COL4A6: variants seen among roughly 807,000 people sequenced by gnomAD.
The protein encoded by COL4A6 is collagen alpha-6(IV) chain.
Under a neutral mutation model 126.7 loss-of-function variants are expected in COL4A6, and 59 were observed. That is an observed-to-expected ratio of 0.47 (90% CI 0.38 to 0.58). COL4A6 has a LOEUF of 0.58. Ranked by LOEUF, COL4A6 falls within the 20% of genes least tolerant of loss-of-function variation. The probability of loss-of-function intolerance (pLI) is 0.00; values close to 1 mark genes in which losing one functional copy is unlikely to be tolerated. For synonymous variants in COL4A6, 547 were observed against 496.6 expected (o/e 1.10, Z -1.35); for missense variants, 1,285 against 1,337.3 (o/e 0.96, Z 0.61).
At chrX:108,325,172 A>G (rs1440950374) in intron 2 of COL4A6, among the ~76,000 whole-genome samples, 1 of 112,246 alleles carries the variant, frequency 8.9e-6, no homozygotes, top group Non-Finnish European at 1.9e-5. Flanking sequence ...ACTGCATGTC[A>G]TAAGCAAAGT....
intron 3 of COL4A6, among the ~76,000 whole-genome samples, chrX:108,255,371 C>T (rs2036974615): frequency 9.1e-6 from 1 of 109,524 alleles, no homozygotes. Flanking sequence ...AACTTTAAAA[C>T]GTAAAGCAGC....
chrX:108,394,571 T>C (rs2040921667), intron 2 of COL4A6, among the ~76,000 whole-genome samples: 1 of 111,991 alleles, frequency 8.9e-6, no homozygotes, highest in South Asian at 3.8e-4. Context: ...ATTTTTAGCC[T>C]GTTCATCTTT....
chrX:108,369,620 C>T (rs1295654740), intron 2 of COL4A6, among the ~76,000 whole-genome samples: 2 of 111,793 alleles, frequency 1.8e-5, no homozygotes, highest in African/African-American at 3.3e-5. Flanking sequence ...CAGGTGGGAC[C>T]TCTGGAGTAT....
At chrX:108,193,323 G>C (rs973635134) in intron 17 of COL4A6, among the ~76,000 whole-genome samples, 17 of 111,625 alleles carry the variant, frequency 1.5e-4, no homozygotes, top group African/African-American at 4.2e-4. Context: ...GCCCAGCTTG[G>C]GGGTGGTTAT....
chrX:108,263,329 G>A (rs1257090219), intron 3 of COL4A6, among the ~76,000 whole-genome samples: 2 of 111,451 alleles, frequency 1.8e-5, no homozygotes. Flanking sequence ...CTTAGGCATT[G>A]GTGTTTTAAA....
At chrX:108,299,257 ATTC>A (rs2038418335) in intron 3 of COL4A6, among the ~76,000 whole-genome samples, 1 of 111,789 alleles carries the variant, frequency 8.9e-6, no homozygotes, top group South Asian at 3.8e-4. Flanking sequence ...TCAGTTAATA[ATTC>A]TTCAACTGAA....
chrX:108,211,615 C>G (rs1361478394), intron 7 of COL4A6, 57 bp downstream of exon 7: 2 of 1,084,247 alleles, frequency 1.8e-6, no homozygotes, highest in African/African-American at 1.8e-5. Flanking sequence ...AGGTGGGGCC[C>G]AATGCTGGGG....
chrX:108,262,167 T>C lies in COL4A6; in HGVS notation c.145-40793A>G, dbSNP rs373540863. On this transcript the variant is annotated intron_variant, in intron 3 of 44. Transcript: ENST00000334504. ...TGAGTCCAAGGCTGGATTCAAAATT[T>C]CTCATGGCAGTTCTAAGATGGTATA... Among the ~76,000 whole-genome samples, 408 of 111,780 alleles carry C rather than the reference T, an allele frequency of 3.7e-3. 2 individuals carry two copies. The highest frequency in any genetic ancestry group is 0.013 in the African/African-American group (396 of 30,836).
chrX:108,305,081 G>C (rs190215042), intron 3 of COL4A6, among the ~76,000 whole-genome samples: 1 of 111,998 alleles, frequency 8.9e-6, no homozygotes, highest in African/African-American at 3.2e-5. Context: ...GAGCAGACAA[G>C]TGAAGAGAAA....
intron 2 of COL4A6, among the ~76,000 whole-genome samples, chrX:108,329,558 G>A (rs1431067572): frequency 9.0e-6 from 1 of 110,976 alleles, no homozygotes; most frequent in African/African-American, 3.3e-5. Context: ...GATTTTGGAT[G>A]TTTTCATAAC....
At position 108,161,669 on chromosome X, in the gene COL4A6, G is replaced by A; in HGVS notation, c.4283C>T (p.Ala1428Val). The stretch of plus-strand genomic sequence containing the variant: ...TCCAGGCAGACCAGGATCACCAAGA[G>A]CCCCAGGTGGGCCTGGGAGCCCACT... The part of the protein sequence containing the change: ...GPSGLPGPPG[A>V]LGDPGLPGLQ... Residue 1428 changes from alanine to valine, a missense_variant, in exon 42 of 45, where the codon GCT becomes GTT. By Grantham distance (64) the Ala-to-Val change is moderately conservative. Transcript: ENST00000334504. 1 of 1,188,669 alleles carries A rather than the reference G, an allele frequency of 8.4e-7. No homozygotes were observed. The highest frequency in any genetic ancestry group is 1.1e-6 in the Non-Finnish European group (1 of 884,541).
At chrX:108,370,657 T>C (rs1236018060) in intron 2 of COL4A6, among the ~76,000 whole-genome samples, 1 of 111,074 alleles carries the variant, frequency 9.0e-6, no homozygotes, top group African/African-American at 3.3e-5. Flanking sequence ...ATAGACCAAA[T>C]TGCTATAATT....
intron 36 of COL4A6, 57 bp from the exon 37 acceptor site, chrX:108,169,677 C>A: frequency 8.7e-7 from 1 of 1,152,819 alleles, no homozygotes; most frequent in Non-Finnish European, 1.2e-6. Context: ...GCCTTCCTGC[C>A]TAACTCACTC....
At chrX:108,407,063 CCA>C (rs1264786294) in intron 2 of COL4A6, among the ~76,000 whole-genome samples, 7 of 112,234 alleles carry the variant, frequency 6.2e-5, no homozygotes, top group African/African-American at 2.3e-4. Flanking sequence ...CAGCCAACTG[CCA>C]CAGTTTTATG....
intron 2 of COL4A6, among the ~76,000 whole-genome samples, chrX:108,377,019 G>A (rs1334957820): frequency 8.9e-6 from 1 of 112,544 alleles, no homozygotes; most frequent in East Asian, 2.8e-4. Flanking sequence ...CGCGCCGGCC[G>A]CGGCCTCTGA....
chrX:108,215,182 C>T (rs2035825253), intron 5 of COL4A6, among the ~76,000 whole-genome samples: 1 of 112,218 alleles, frequency 8.9e-6, no homozygotes, highest in Non-Finnish European at 1.9e-5. Flanking sequence ...TTAGAGGAAA[C>T]AACCTTTTAT....
At chrX:108,203,167 T>C (rs1314119740) in intron 12 of COL4A6, among the ~76,000 whole-genome samples, 186 bp from the exon 13 acceptor site, 1 of 111,864 alleles carries the variant, frequency 8.9e-6, no homozygotes, top group African/African-American at 3.3e-5. Context: ...TCTTAGTTCA[T>C]GGAGCTCTTT....
chrX:108,348,357 T>G (rs776394789), intron 2 of COL4A6, among the ~76,000 whole-genome samples: 10 of 111,656 alleles, frequency 9.0e-5, no homozygotes, highest in African/African-American at 3.2e-4. Context: ...AGGGCTATTT[T>G]TTTTTGGAAA....
At chrX:108,161,580 T>TCCCCCCCC in intron 42 of COL4A6, 39 bp downstream of exon 42, 3 of 644,859 alleles carry the variant, frequency 4.7e-6, no homozygotes, top group Non-Finnish European at 4.6e-6. Context: ...CAGACCACCA[T>TCCCCCCCC]CCCCGCCCCG....
Sources: allele counts gnomAD v4.1 joint callset (sites outside exome capture counted in the v4.1 genomes callset), GRCh38; gene constraint gnomAD v4.1.1; transcripts MANE v1.5; gene names NCBI Gene and HGNC (gene_info 2026-07-23, HGNC 2026-07-21).